The following SMAD5 variants were observed in gnomAD, a reference collection of about 807,000 sequenced individuals.
SMAD5 encodes MAD, mothers against decapentaplegic homolog 5.
Under a neutral mutation model 43.1 loss-of-function variants are expected in SMAD5, and 9 were observed. The observed-to-expected ratio is 0.21, with a 90% CI of 0.13 to 0.36. The LOEUF is 0.36. SMAD5 is among the 10% of genes least tolerant of loss of function. The pLI, the probability that SMAD5 is intolerant of heterozygous loss-of-function variation, is 1.00. For missense variants in SMAD5, 348 were observed against 574.0 expected, an observed-to-expected ratio of 0.61 and a Z score of 4.02; for synonymous variants, 190 against 192.4, an observed-to-expected ratio of 0.99 and a Z score of 0.10.
intron 5 of SMAD5, among the ~76,000 whole-genome samples, chr5:136,171,618 G>T (rs986603223): frequency 1.3e-5 from 2 of 152,112 alleles, no homozygotes; most frequent in African/African-American, 4.8e-5. Flanking sequence ...TCCTGTGTCT[G>T]TCCCACCATA....
In SMAD5 at chr5:136,178,755, G is replaced by A. The variant is rs1754516094; in HGVS notation, c.*1275G>A. 6.6e-6 allele frequency: 1 copy of A among 152,242 alleles called. No homozygotes were observed. Among genetic ancestry groups the A allele is most frequent in the African/African-American group, 2.4e-5 (1 of 41,432 alleles). 9.4% of individuals were successfully genotyped at this position (152,242 alleles called of 1,614,324 possible). A position where few individuals can be genotyped will look rare whatever the true frequency, so the allele number is the denominator to read the frequency against. On this transcript the variant is annotated 3_prime_UTR_variant, in exon 8 of 8. Coordinates refer to ENST00000545279, the MANE Select transcript of SMAD5 (RefSeq NM_005903.7). ...TGAATCAGCAGTGGATGTAGGGATA[G>A]CTGATTTTAAAACACTCGGCTGGGC...
At chr5:136,169,242 C>T (rs76296354) in intron 5 of SMAD5, among the ~76,000 whole-genome samples, 1 of 152,214 alleles carries the variant, frequency 6.6e-6, no homozygotes, top group African/African-American at 2.4e-5. Context: ...AGATGAAGGC[C>T]GGAAGACTCA....
intron 7 of SMAD5, 82 bp from the exon 8 acceptor site, chr5:136,177,255 A>G (rs1322054467): frequency 4.1e-6 from 5 of 1,209,160 alleles, no homozygotes; most frequent in South Asian, 3.7e-5. Context: ...GTTAAAAGCT[A>G]TCTTTTTCTT....
intron 1 of SMAD5, among the ~76,000 whole-genome samples, chr5:136,144,622 G>T (rs1753198186): frequency 6.7e-6 from 1 of 150,132 alleles, no homozygotes; most frequent in Non-Finnish European, 1.5e-5. Context: ...TTATTATATT[G>T]GTATATATTA....
At chr5:136,174,794 AATAG>A (rs1283397128) in intron 7 of SMAD5, among the ~76,000 whole-genome samples, 162 bp downstream of exon 7, 20 of 152,350 alleles carry the variant, frequency 1.3e-4, no homozygotes, top group Middle Eastern at 3.4e-3. Context: ...TTAACTACAT[AATAG>A]ATCTAAGATT....
chr5:136,157,225 G>A (rs1478450572), intron 3 of SMAD5, among the ~76,000 whole-genome samples: 1 of 152,100 alleles, frequency 6.6e-6, no homozygotes, highest in Non-Finnish European at 1.5e-5. Flanking sequence ...GAATATAGTG[G>A]AGTAAGTTTT....
rs558705082 is a variant in SMAD5, at chr5:136,153,940, A to G, written c.180A>G (p.Gly60=). The change falls in exon 3 of 8, where the codon GGA becomes GGG. Residue 60 remains glycine, a synonymous_variant. Transcript: ENST00000545279. ...EELEKALSSP[G]QPSKCVTIPR... is the part of the protein sequence containing the mutation. Reference sequence around the variant, plus strand: ...TGGAGAAAGCCTTGAGCAGTCCAGGACAGCCGAGTAAATGTGTCACTATTC... The same window carrying G: ...TGGAGAAAGCCTTGAGCAGTCCAGGGCAGCCGAGTAAATGTGTCACTATTC... The G allele has an allele frequency of 1.9e-6, 3 of 1,613,102 alleles. No homozygotes were observed. The highest frequency in any genetic ancestry group is 1.1e-5 in the South Asian group (1 of 90,928).
rs1554105447 is a variant in SMAD5 at position 136,182,233 on chromosome 5, G to GGA, written c.*4753_*4754insGA. On this transcript the variant is annotated 3_prime_UTR_variant, in exon 8 of 8. Coordinates refer to ENST00000545279, the MANE Select transcript of SMAD5 (RefSeq NM_005903.7). ...GCCAAAGAATCCCAAGTTCTTTGTG[G>GGA]AAAAAAAAAAAAAATCTTTTAGGGT... 7.5e-4 allele frequency: 108 copies of GGA among 143,848 alleles called. 2 individuals carry two copies. The highest frequency in any genetic ancestry group is 2.5e-3 in the African/African-American group (100 of 39,640). The allele number at this position is 143,848 out of a possible 1,614,324, so 8.9% of individuals were successfully genotyped here.
At chr5:136,137,081 G>A (rs1252045073) in intron 1 of SMAD5, among the ~76,000 whole-genome samples, 1 of 149,548 alleles carries the variant, frequency 6.7e-6, no homozygotes, top group African/African-American at 2.5e-5. Context: ...AGTTCTAGTA[G>A]AGTGGTGTTT....
intron 5 of SMAD5, among the ~76,000 whole-genome samples, chr5:136,165,266 GCATCCT>G (rs1262363451): frequency 1.3e-5 from 2 of 152,034 alleles, no homozygotes; most frequent in Admixed American, 6.6e-5. Flanking sequence ...CTCCACCTTA[GCATCCT>G]GAGTAGCTGG....
chr5:136,154,352 G>A (rs10479112), intron 3 of SMAD5, among the ~76,000 whole-genome samples, 189 bp downstream of exon 3: 2 of 152,078 alleles, frequency 1.3e-5, no homozygotes, highest in African/African-American at 4.8e-5. Flanking sequence ...ACAATTCTCA[G>A]GTGGCTTACT....
intron 5 of SMAD5, among the ~76,000 whole-genome samples, chr5:136,170,670 A>G (rs1754186618): frequency 6.6e-6 from 1 of 152,114 alleles, no homozygotes; most frequent in Admixed American, 6.5e-5. Flanking sequence ...AAGCTGGGAA[A>G]CACTGCTATC....
At chr5:136,152,189 C>T (rs922564016) in intron 2 of SMAD5, among the ~76,000 whole-genome samples, 16 of 152,098 alleles carry the variant, frequency 1.1e-4, no homozygotes, top group African/African-American at 3.6e-4. Flanking sequence ...AGTAGTTGAT[C>T]GGCATCCAGA....
In SMAD5 at chr5:136,182,053, C is replaced by T. The variant is rs1190902465; in HGVS notation, c.*4573C>T. ...TCCAAATAACTCAGTTCTTAAAATT[C>T]TTAAAATGATCGTAAACCATTATCC... On this transcript the variant is annotated 3_prime_UTR_variant, in exon 8 of 8. Transcript: ENST00000545279. 2.0e-5 allele frequency: 3 copies of T among 152,118 alleles called. No individual in the cohort carries two copies. The highest frequency in any genetic ancestry group is 7.2e-5 in the African/African-American group (3 of 41,434). 9.4% of individuals were successfully genotyped at this position (152,118 alleles called of 1,614,324 possible). A position where few individuals can be genotyped will look rare whatever the true frequency, so the allele number is the denominator to read the frequency against.
rs1754623011 is a variant in SMAD5, at chr5:136,181,386, T to C, written c.*3906T>C. The C allele has an allele frequency of 6.6e-6, 1 of 152,156 alleles. No individual in the cohort carries two copies. Among genetic ancestry groups the C allele is most frequent in the Admixed American group, 6.5e-5 (1 of 15,278 alleles). The allele number at this position is 152,156 out of a possible 1,614,324, so 9.4% of individuals were successfully genotyped here. A position where few individuals can be genotyped will look rare whatever the true frequency, so the allele number is the denominator to read the frequency against. ...TGAATATAAATGTGTGTCATCGTTA[T>C]ATTGTTCAGCTAGATGAGCAAGTAT... On this transcript the variant is annotated 3_prime_UTR_variant, in exon 8 of 8. Transcript: ENST00000545279.
chr5:136,148,706 G>A lies in SMAD5; in HGVS notation c.-170+800G>A, dbSNP rs553770047. On this transcript the variant is annotated intron_variant, in intron 2 of 7. Transcript: ENST00000545279. ...GACAGTAACAGACTAACTTGTAAGT[G>A]GGGTAAAATCAAATCCTAGATCCTA... is the stretch of plus-strand genomic sequence containing the variant. Among the ~76,000 whole-genome samples the A allele has an allele frequency of 2.0e-4, 30 of 151,664 alleles. No individual in the cohort carries two copies. In the East Asian group the frequency reaches 5.8e-3, roughly 29 times the overall value.
At chr5:136,169,891 A>T (rs368567303) in intron 5 of SMAD5, among the ~76,000 whole-genome samples, 1 of 152,314 alleles carries the variant, frequency 6.6e-6, no homozygotes, top group East Asian at 1.9e-4. Flanking sequence ...ATCTTTTCAC[A>T]TGCTTACTTG....
intron 2 of SMAD5, among the ~76,000 whole-genome samples, chr5:136,149,584 T>C (rs958008094): frequency 6.6e-6 from 1 of 151,802 alleles, no homozygotes; most frequent in Admixed American, 6.6e-5. Context: ...ACTAATGATA[T>C]TGAGCCCATT....
At chr5:136,141,938 A>AGC (rs1244661029) in intron 1 of SMAD5, among the ~76,000 whole-genome samples, 2,010 of 152,304 alleles carry the variant, frequency 0.013, 42 homozygotes, top group African/African-American at 0.046. Context: ...GTATAGCTGC[A>AGC]CTTTAATTTT....
Sources: allele counts gnomAD v4.1 joint callset (sites outside exome capture counted in the v4.1 genomes callset), GRCh38; gene constraint gnomAD v4.1.1; transcripts MANE v1.5; gene names NCBI Gene and HGNC (gene_info 2026-07-23, HGNC 2026-07-21).